The following PKHD1 variants were observed in gnomAD, a reference collection of about 807,000 sequenced individuals.
PKHD1 encodes the protein fibrocystin.
Under a neutral mutation model 412.0 loss-of-function variants are expected in PKHD1, and 291 were observed. The ratio of observed to expected loss-of-function variants is 0.71; its 90% CI spans 0.64 to 0.78. The LOEUF is 0.78. Ranked by LOEUF, PKHD1 falls within the 30% of genes least tolerant of loss-of-function variation. The pLI, the probability that PKHD1 is intolerant of heterozygous loss-of-function variation, is 0.00. For missense variants in PKHD1, 4,825 were observed against 4,950.7 expected, an observed-to-expected ratio of 0.97 and a Z score of 0.76; for synonymous variants, 1,777 against 1,821.5, an observed-to-expected ratio of 0.98 and a Z score of 0.62.
At chr6:51,890,755 G>T (rs1301413239) in intron 43 of PKHD1, among the ~76,000 whole-genome samples, 1 of 152,184 alleles carries the variant, frequency 6.6e-6, no homozygotes, top group Non-Finnish European at 1.5e-5. Flanking sequence ...ATGGGTAGGG[G>T]TGTGGGACAT....
At chr6:51,769,655 T>G (rs1662471023) in intron 55 of PKHD1, among the ~76,000 whole-genome samples, 1 of 151,320 alleles carries the variant, frequency 6.6e-6, no homozygotes, top group Admixed American at 6.6e-5. Flanking sequence ...TCATTAGACT[T>G]ATGGGTTATT....
chr6:52,046,257 A>T (rs1287961255), intron 23 of PKHD1, 69 bp from the exon 24 acceptor site: 1 of 1,193,974 alleles, frequency 8.4e-7, no homozygotes, highest in Non-Finnish European at 1.3e-6. Flanking sequence ...TTTCATCCTC[A>T]AGGATAACAC....
intron 62 of PKHD1, 132 bp downstream of exon 62, chr6:51,648,953 C>T: frequency 1.2e-6 from 1 of 838,416 alleles, no homozygotes; most frequent in Admixed American, 1.7e-5. Context: ...TAGTGAGAAG[C>T]TCTAAGTGCA....
chr6:51,790,094 C>A (rs1402709029), intron 53 of PKHD1, among the ~76,000 whole-genome samples: 2 of 152,074 alleles, frequency 1.3e-5, no homozygotes, highest in African/African-American at 4.8e-5. Context: ...AGAATTTTCT[C>A]CCAACTGAGA....
chr6:51,734,316 T>A lies in PKHD1; in HGVS notation c.10156+10069A>T, dbSNP rs145247795. ...TTTACAATCTCCTGAAATTAGAAAA[T>A]GGGGGAATATTCTTTGAAAATGCTA... On this transcript the variant is annotated intron_variant, in intron 60 of 66. Transcript: ENST00000371117. Among the ~76,000 whole-genome samples, 53 of 152,218 alleles carry A rather than the reference T, an allele frequency of 3.5e-4. No homozygotes were observed. In the East Asian group the frequency reaches 9.4e-3, roughly 27 times the overall value.
chr6:51,891,261 TTTTG>T (rs1333149336), intron 43 of PKHD1, among the ~76,000 whole-genome samples: 3 of 151,872 alleles, frequency 2.0e-5, no homozygotes, highest in Admixed American at 6.6e-5. Flanking sequence ...GGTTTTGGGG[TTTTG>T]TTTTTTTGTT....
chr6:51,735,042 A>G (rs1783671618), intron 60 of PKHD1, among the ~76,000 whole-genome samples: 1 of 152,162 alleles, frequency 6.6e-6, no homozygotes, highest in African/African-American at 2.4e-5. Context: ...TGTGGTTGTT[A>G]TAGCATCGCC....
At chr6:51,844,583 A>G (rs1770831198) in intron 50 of PKHD1, among the ~76,000 whole-genome samples, 1 of 152,180 alleles carries the variant, frequency 6.6e-6, no homozygotes. Context: ...GCCTGGGTTC[A>G]GGTTTTTTCC....
At chr6:51,759,116 G>T (rs949492917) in intron 55 of PKHD1, among the ~76,000 whole-genome samples, 6 of 152,132 alleles carry the variant, frequency 3.9e-5, no homozygotes, top group Non-Finnish European at 7.4e-5. Context: ...TTCTATCAGT[G>T]CCATTAAAAT....
intron 2 of PKHD1, among the ~76,000 whole-genome samples, chr6:52,083,780 G>A (rs1017926319): frequency 6.6e-6 from 1 of 151,910 alleles, no homozygotes; most frequent in African/African-American, 2.4e-5. Flanking sequence ...GCAAAACCGC[G>A]ATTACTTTTG....
intron 35 of PKHD1, among the ~76,000 whole-genome samples, chr6:52,002,396 C>A (rs1798535093): frequency 6.6e-6 from 1 of 152,198 alleles, no homozygotes; most frequent in African/African-American, 2.4e-5. Flanking sequence ...CCTAAGAAGG[C>A]AAAGCCCTTT....
chr6:52,060,094 G>A (rs1368919097), intron 14 of PKHD1, 52 bp from the exon 15 acceptor site: 1 of 974,240 alleles, frequency 1.0e-6, no homozygotes, highest in Non-Finnish European at 1.7e-6. Context: ...CTGAATCACT[G>A]AACCAACAAA....
chr6:51,654,407 T>C (rs1363567348), intron 61 of PKHD1, among the ~76,000 whole-genome samples: 1 of 152,118 alleles, frequency 6.6e-6, no homozygotes, highest in Non-Finnish European at 1.5e-5. Context: ...ATAGGGACCA[T>C]ATGATATTTT....
At chr6:51,994,301 AT>A (rs1286720473) in intron 35 of PKHD1, among the ~76,000 whole-genome samples, 1 of 151,410 alleles carries the variant, frequency 6.6e-6, no homozygotes, top group East Asian at 2.0e-4. Flanking sequence ...CGCCCAGCTA[AT>A]TTTTTTGTAT....
At chr6:51,697,518 G>T (rs1319783489) in intron 60 of PKHD1, among the ~76,000 whole-genome samples, 1 of 152,186 alleles carries the variant, frequency 6.6e-6, no homozygotes, top group Admixed American at 6.5e-5. Flanking sequence ...AATTGTATGA[G>T]GCTGTTCTGT....
intron 54 of PKHD1, among the ~76,000 whole-genome samples, chr6:51,774,430 C>G (rs1337494261): frequency 2.0e-5 from 3 of 151,902 alleles, no homozygotes; most frequent in Admixed American, 6.6e-5. Context: ...AAGTTTGTTC[C>G]AGTGTTATCA....
chr6:52,077,852 C>A (rs568457881), intron 5 of PKHD1, among the ~76,000 whole-genome samples: 1 of 152,160 alleles, frequency 6.6e-6, no homozygotes, highest in Non-Finnish European at 1.5e-5. Flanking sequence ...CACACACCTG[C>A]CAAACATTCA....
chr6:51,660,767 C>T (rs941843333), intron 60 of PKHD1, among the ~76,000 whole-genome samples: 5 of 152,160 alleles, frequency 3.3e-5, no homozygotes, highest in African/African-American at 1.2e-4. Flanking sequence ...CTGCATGTGC[C>T]ACCCTCAAGA....
At chr6:52,006,454 G>A (rs1041522672) in intron 35 of PKHD1, among the ~76,000 whole-genome samples, 3 of 152,054 alleles carry the variant, frequency 2.0e-5, no homozygotes, top group African/African-American at 7.2e-5. Flanking sequence ...CTGGCTTGCT[G>A]CAACATCCGC....
Sources: allele counts gnomAD v4.1 joint callset (sites outside exome capture counted in the v4.1 genomes callset), GRCh38; gene constraint gnomAD v4.1.1; transcripts MANE v1.5; gene names NCBI Gene and HGNC (gene_info 2026-07-23, HGNC 2026-07-21).